Variants in BLMH observed in about 807,000 individuals in gnomAD.
BLMH encodes BLM hydrolase.
In BLMH, 32 loss-of-function variants were observed where a neutral mutation model predicts 61.6. The ratio of observed to expected loss-of-function variants is 0.52; its 90% confidence interval spans 0.39 to 0.70. The LOEUF (loss-of-function observed/expected upper bound fraction) is 0.70, where lower values mean the gene tolerates loss of function less well. Among genes scored for constraint, BLMH ranks in the 30% least tolerant of loss-of-function variants. BLMH has a pLI of 0.00. For missense variants in BLMH, 460 were observed against 555.5 expected (o/e 0.83, Z 1.73); for synonymous variants, 183 against 193.8 (o/e 0.94, Z 0.46).
chr17:30,266,839 G>T, intron 11 of BLMH, 46 bp downstream of exon 11: 1 of 1,558,140 alleles, frequency 6.4e-7, no homozygotes, highest in South Asian at 1.1e-5. Context: ...AGGCAGAGTA[G>T]AGCAGGCCCA....
chr17:30,286,833 T>C lies in BLMH; in HGVS notation c.533A>G (p.Asn178Ser), dbSNP rs1277369034. 5.0e-6 allele frequency: 8 copies of C among 1,589,368 alleles called. No homozygotes were observed. Among genetic ancestry groups the C allele is most frequent in the Non-Finnish European group, 6.9e-6 (8 of 1,157,874 alleles). ...TTGTACCTTGTGATTCAGAATATCA[T>C]TCATCCTTCTGGTTGCCTCTGTTGT... The part of the protein sequence containing the change: ...SYTTEATRRM[N>S]DILNHKMREF... Residue 178 changes from asparagine (N) to serine (S), a missense_variant, in exon 5 of 12, where the codon AAT becomes AGT. Around this residue, in one of 5 missense-constraint regions of BLMH, gnomAD observed 310 missense variants for 371.1 expected, o/e 0.84. Coordinates refer to ENST00000261714, the MANE Select transcript of BLMH (RefSeq NM_000386.4).
At chr17:30,267,062 A>C in intron 10 of BLMH, 108 bp from the exon 11 acceptor site, 1 of 872,224 alleles carries the variant, frequency 1.1e-6, no homozygotes, top group Non-Finnish European at 1.8e-6. Context: ...AGCCTGCTCT[A>C]TACAGGCAGC....
At chr17:30,276,629 TC>T in intron 6 of BLMH, among the ~76,000 whole-genome samples, 1 of 152,198 alleles carries the variant, frequency 6.6e-6, no homozygotes, top group Non-Finnish European at 1.5e-5. Context: ...TCAACTCACG[TC>T]CCTGTTGAAG....
chr17:30,267,189 T>A (rs1265402427), intron 10 of BLMH, among the ~76,000 whole-genome samples: 4 of 152,198 alleles, frequency 2.6e-5, no homozygotes. Context: ...GGTAAAAACA[T>A]AATAAACTAA....
intron 3 of BLMH, 145 bp from the exon 4 acceptor site, chr17:30,288,092 A>C (rs1243544973): frequency 1.2e-6 from 1 of 842,242 alleles, no homozygotes; most frequent in East Asian, 2.8e-5. Flanking sequence ...AACCTTCATG[A>C]ATTTGCATGT....
At chr17:30,288,915 C>CTA (rs1908807259) in intron 3 of BLMH, among the ~76,000 whole-genome samples, 1 of 151,904 alleles carries the variant, frequency 6.6e-6, no homozygotes, top group Non-Finnish European at 1.5e-5. Flanking sequence ...TACAGTGAGC[C>CTA]GAGACTGTGC....
rs1908782195 is a variant in BLMH at position 30,288,122 on chromosome 17, T to C, written c.322-175A>G. 2 of 594,984 alleles carry C rather than the reference T, an allele frequency of 3.4e-6. 1 individual carries two copies. The highest frequency in any genetic ancestry group is 5.9e-5 in the South Asian group (2 of 33,836). The allele number at this position is 594,984 out of a possible 1,614,324, so 36.9% of individuals were successfully genotyped here. On this transcript the variant is annotated intron_variant, in intron 3 of 11. Coordinates refer to ENST00000261714, the MANE Select transcript of BLMH (RefSeq NM_000386.4). ...GCATGTCATCCTTGTACAGAGGCCA[T>C]GCTAATCTTTTCTGTATCACCCCAG...
At chr17:30,255,080 T>C (rs1165485541) in intron 11 of BLMH, among the ~76,000 whole-genome samples, 1 of 152,262 alleles carries the variant, frequency 6.6e-6, no homozygotes, top group East Asian at 1.9e-4. Flanking sequence ...GAAACAATAC[T>C]GTTATAAACA....
At chr17:30,271,542 T>A in intron 9 of BLMH, 154 bp from the exon 10 acceptor site, 1 of 598,202 alleles carries the variant, frequency 1.7e-6, no homozygotes, top group Non-Finnish European at 3.0e-6. Context: ...ATATGGAACA[T>A]GCAGAACTTA....
Position 30,285,406 on chromosome 17 carries a change from C to T in BLMH, c.627G>A (p.Gln209=), listed in dbSNP as rs777962429. The T allele has an allele frequency of 5.8e-5, 93 of 1,611,724 alleles. No homozygotes were observed. The highest frequency in any genetic ancestry group is 7.4e-5 in the Non-Finnish European group (87 of 1,178,920). ...TTATTACCTCCTCCATCATGACGTCCTGTGTGGCCGAGATTTCTCCTTTGG... is the reference window on the plus strand; with the variant it reads ...TTATTACCTCCTCCATCATGACGTCTTGTGTGGCCGAGATTTCTCCTTTGG... The part of the protein sequence containing the change: ...GATKGEISAT[Q]DVMMEEIFRV... The change falls in exon 6 of 12, where the codon CAG becomes CAA. Residue 209 remains glutamine, a synonymous_variant. Transcript: ENST00000261714.
At chr17:30,276,004 A>G (rs1428086262) in intron 6 of BLMH, among the ~76,000 whole-genome samples, 5 of 152,106 alleles carry the variant, frequency 3.3e-5, no homozygotes, top group African/African-American at 9.7e-5. Flanking sequence ...CTCTCAAGGT[A>G]TATTTCCCTC....
At chr17:30,269,780 G>A (rs1313114073) in intron 10 of BLMH, among the ~76,000 whole-genome samples, 1 of 152,154 alleles carries the variant, frequency 6.6e-6, no homozygotes, top group Non-Finnish European at 1.5e-5. Flanking sequence ...AAAACTACAT[G>A]AGGATCAGGA....
In BLMH at chr17:30,281,697, C is replaced by T. The variant is rs114908765; in HGVS notation, c.645+3691G>A. Among the ~76,000 whole-genome samples, 704 of 152,230 alleles carry T rather than the reference C, an allele frequency of 4.6e-3. 4 individuals carry two copies. Among genetic ancestry groups the T allele is most frequent in the African/African-American group, 0.016 (660 of 41,546 alleles). ...ATTTTTTGTTTCTGAGATGGGGTCTCGCTCTGTCACTCAAGCTGGAGTGCA... is the reference window on the plus strand; with the variant it reads ...ATTTTTTGTTTCTGAGATGGGGTCTTGCTCTGTCACTCAAGCTGGAGTGCA... On this transcript the variant is annotated intron_variant, in intron 6 of 11. Coordinates refer to ENST00000261714, the MANE Select transcript of BLMH (RefSeq NM_000386.4).
intron 6 of BLMH, among the ~76,000 whole-genome samples, chr17:30,281,942 C>T (rs912781877): frequency 1.3e-5 from 2 of 152,190 alleles, no homozygotes; most frequent in African/African-American, 4.8e-5. Flanking sequence ...TTAGGCCTAT[C>T]CTATATATTG....
chr17:30,290,645 T>C (rs1019033134), intron 2 of BLMH, among the ~76,000 whole-genome samples: 45 of 152,372 alleles, frequency 3.0e-4, no homozygotes, highest in African/African-American at 9.6e-4. Flanking sequence ...ATCCGTTTAG[T>C]ACAATTTTGT....
intron 11 of BLMH, among the ~76,000 whole-genome samples, chr17:30,255,854 G>A (rs1225369752): frequency 3.3e-5 from 5 of 152,136 alleles, no homozygotes; most frequent in Non-Finnish European, 4.4e-5. Context: ...CCAAGATTGC[G>A]CCACTGGACT....
intron 11 of BLMH, among the ~76,000 whole-genome samples, chr17:30,250,854 T>C (rs1907650592): frequency 6.6e-6 from 1 of 151,512 alleles, no homozygotes; most frequent in Non-Finnish European, 1.5e-5. Flanking sequence ...AACCAACGAG[T>C]GGATAAAGAA....
rs779108864 is a variant in BLMH at position 30,287,804 on chromosome 17, A to C, written c.463+2T>G. ...CAGTTCCATTAAAGAAAGAACTTTT[A>C]CCAACAATATTAACAAGCATATCCC... is the stretch of plus-strand genomic sequence containing the variant. On this transcript the variant is annotated splice_donor_variant, in intron 4 of 11. Coordinates refer to ENST00000261714, the MANE Select transcript of BLMH (RefSeq NM_000386.4). LOFTEE classifies it high-confidence loss of function. 6.2e-7 allele frequency: 1 copy of C among 1,613,214 alleles called. No individual in the cohort carries two copies. Among genetic ancestry groups the C allele is most frequent in the East Asian group, 2.2e-5 (1 of 44,886 alleles).
chr17:30,278,648 T>C (rs1260531743), intron 6 of BLMH, among the ~76,000 whole-genome samples: 1 of 152,170 alleles, frequency 6.6e-6, no homozygotes, highest in Admixed American at 6.5e-5. Context: ...TGTTAAGAAA[T>C]ATTTAACGAA....
Sources: gnomAD v4.1 joint callset for allele counts (sites outside exome capture counted in the v4.1 genomes callset) on GRCh38, gnomAD v4.1.1 for gene constraint, gnomAD v4.1.1 regional missense constraint, MANE v1.5 for transcripts, NCBI Gene and HGNC (gene_info 2026-07-23, HGNC 2026-07-21) for gene names.